The following IGSF11 variants were observed in gnomAD, a reference collection of about 807,000 sequenced individuals.
The protein encoded by IGSF11 is immunoglobulin superfamily member 11.
Under a neutral mutation model 41.0 loss-of-function variants are expected in IGSF11, and 22 were observed. The ratio of observed to expected loss-of-function variants is 0.54; its 90% CI spans 0.38 to 0.77. The LOEUF is 0.77. Ranked by LOEUF, IGSF11 falls within the 30% of genes least tolerant of loss-of-function variation. IGSF11 has a pLI of 0.00. For synonymous variants in IGSF11, 219 were observed against 201.3 expected, an observed-to-expected ratio of 1.09 and a Z score of -0.74; for missense variants, 444 against 530.8, an observed-to-expected ratio of 0.84 and a Z score of 1.61.
chr3:119,018,054 T>G (rs1291522492), intron 1 of IGSF11, among the ~76,000 whole-genome samples: 1 of 152,180 alleles, frequency 6.6e-6, no homozygotes, highest in Admixed American at 6.5e-5. Flanking sequence ...CGAGCACAAT[T>G]TCTTATTGAC....
chr3:118,975,700 A>G (rs1404788144), intron 1 of IGSF11, among the ~76,000 whole-genome samples: 1 of 152,234 alleles, frequency 6.6e-6, no homozygotes, highest in Admixed American at 6.5e-5. Context: ...AAAAAGAATG[A>G]TATCATGTCC....
At chr3:118,920,353 T>G (rs930264247) in intron 4 of IGSF11, among the ~76,000 whole-genome samples, 2 of 149,296 alleles carry the variant, frequency 1.3e-5, no homozygotes, top group East Asian at 3.9e-4. Flanking sequence ...AATAAATAAA[T>G]AAATAAATAA....
chr3:118,960,680 GTTGGTGTATA>G (rs770703478), intron 1 of IGSF11, among the ~76,000 whole-genome samples: 7 of 152,156 alleles, frequency 4.6e-5, no homozygotes, highest in Non-Finnish European at 8.8e-5. Flanking sequence ...GATGAAGACT[GTTGGTGTATA>G]TATACACCTA....
At chr3:119,015,386 A>T (rs1938573159) in intron 1 of IGSF11, among the ~76,000 whole-genome samples, 1 of 152,232 alleles carries the variant, frequency 6.6e-6, no homozygotes, top group Admixed American at 6.5e-5. Context: ...CCTCCAACCC[A>T]CTACAACCCT....
In IGSF11 at chr3:118,953,514, C is replaced by T. The variant is rs192085065; in HGVS notation, c.53-23239G>A. On this transcript the variant is annotated intron_variant, in intron 1 of 6. Transcript: ENST00000393775. Reference sequence around the variant, plus strand: ...TAGTGGTTGTACTAGTTTACATTCCCACCAGAGGTGTAAAATTGTTCCCTT... The same window carrying T: ...TAGTGGTTGTACTAGTTTACATTCCTACCAGAGGTGTAAAATTGTTCCCTT... Among the ~76,000 whole-genome samples, 623 of 152,316 alleles carry T rather than the reference C, an allele frequency of 4.1e-3. 3 individuals are homozygous for T. Among genetic ancestry groups the T allele is most frequent in the African/African-American group, 0.015 (604 of 41,564 alleles).
chr3:118,975,189 T>G (rs1173384416), intron 1 of IGSF11, among the ~76,000 whole-genome samples: 1 of 152,164 alleles, frequency 6.6e-6, no homozygotes, highest in Non-Finnish European at 1.5e-5. Flanking sequence ...GATTTTGCCT[T>G]GAACAAAAAA....
At chr3:119,085,488 C>G (rs1183774926) in intron 1 of IGSF11, among the ~76,000 whole-genome samples, 1 of 152,104 alleles carries the variant, frequency 6.6e-6, no homozygotes, top group Non-Finnish European at 1.5e-5. Flanking sequence ...CAGAGTGTCC[C>G]CTTACCTCCA....
chr3:119,035,693 A>G (rs1197629730), upstream of IGSF11, among the ~76,000 whole-genome samples: 1 of 152,170 alleles, frequency 6.6e-6, no homozygotes, highest in Non-Finnish European at 1.5e-5. Context: ...TTACTTAAAT[A>G]TCTACCTACA....
chr3:119,017,012 C>CAG (rs1216709250), intron 1 of IGSF11, among the ~76,000 whole-genome samples: 2 of 126,720 alleles, frequency 1.6e-5, no homozygotes, highest in African/African-American at 6.4e-5. Context: ...TGGGCTAAAG[C>CAG]ATGAGCAAAG....
chr3:119,018,557 T>C (rs1938975490), intron 1 of IGSF11, among the ~76,000 whole-genome samples: 1 of 152,246 alleles, frequency 6.6e-6, no homozygotes, highest in Admixed American at 6.5e-5. Context: ...TTACCTATTA[T>C]CTTACTTAAT....
chr3:119,115,602 A>AT (rs1210548275), intron 1 of IGSF11, among the ~76,000 whole-genome samples: 2 of 152,084 alleles, frequency 1.3e-5, no homozygotes, highest in Non-Finnish European at 2.9e-5. Flanking sequence ...GCATTATCAG[A>AT]TTTTTTCCTA....
At chr3:119,060,739 C>T (rs1942027442) in intron 1 of IGSF11, among the ~76,000 whole-genome samples, 1 of 152,150 alleles carries the variant, frequency 6.6e-6, no homozygotes, top group Non-Finnish European at 1.5e-5. Context: ...CCACTATATG[C>T]AGATACCTCC....
chr3:119,001,516 A>G (rs1201929678), intron 1 of IGSF11, among the ~76,000 whole-genome samples: 2 of 136,594 alleles, frequency 1.5e-5, no homozygotes, highest in Non-Finnish European at 3.1e-5. Flanking sequence ...ACATGTGCAC[A>G]TTGTGCAGGT....
At chr3:119,080,021 C>T (rs2076563229) in intron 1 of IGSF11, among the ~76,000 whole-genome samples, 2 of 152,086 alleles carry the variant, frequency 1.3e-5, no homozygotes, top group South Asian at 4.1e-4. Context: ...GCACATGTAC[C>T]ACCTTGAACC....
At chr3:118,914,474 C>T (rs966606808) in intron 4 of IGSF11, among the ~76,000 whole-genome samples, 1 of 151,300 alleles carries the variant, frequency 6.6e-6, no homozygotes, top group Non-Finnish European at 1.5e-5. Context: ...GTTCTCTTTC[C>T]GAGTCAAAGA....
At position 118,901,814 on chromosome 3, in the gene IGSF11, T is replaced by C. The variant is rs1377982484; in HGVS notation, c.*706A>G. 2 of 151,684 alleles carry C rather than the reference T, an allele frequency of 1.3e-5. No individual in the cohort carries two copies. The highest frequency in any genetic ancestry group is 4.8e-5 in the African/African-American group (2 of 41,294). The allele number at this position is 151,684 out of a possible 1,614,324, so 9.4% of individuals were successfully genotyped here. ...AGGAAAAAATAAACAGTAATTGCCA[T>C]GGACCTGTAACAGATCCTAGAATAA... is the stretch of plus-strand genomic sequence containing the variant. On this transcript the variant is annotated 3_prime_UTR_variant, in exon 7 of 7. Coordinates refer to ENST00000393775, the MANE Select transcript of IGSF11 (RefSeq NM_001015887.3).
rs554108794 is a variant in IGSF11 at position 118,960,040 on chromosome 3, G to A, written c.53-29765C>T. ...AGCCTGGGTGACACAGCGAGACTCC[G>A]TCTCAAAAAAAAAAAAAAAAGAAAT... On this transcript the variant is annotated intron_variant, in intron 1 of 6. Coordinates refer to ENST00000393775, the MANE Select transcript of IGSF11 (RefSeq NM_001015887.3). Among the ~76,000 whole-genome samples the A allele has an allele frequency of 3.8e-4, 52 of 135,856 alleles. 1 individual carries two copies. The highest frequency in any genetic ancestry group is 3.8e-3 in the Admixed American group (49 of 12,976). 89.1% of individuals were successfully genotyped at this position (135,856 alleles called of 152,430 possible). A position where few individuals can be genotyped will look rare whatever the true frequency, so the allele number is the denominator to read the frequency against.
upstream of IGSF11, chr3:119,034,967 G>C: frequency 2.1e-6 from 1 of 467,982 alleles, no homozygotes; most frequent in Non-Finnish European, 2.9e-6. Flanking sequence ...GGGCAACCGC[G>C]GCTCCAGCGC....
chr3:119,046,790 C>T (rs1429621390), intron 1 of IGSF11, among the ~76,000 whole-genome samples: 2 of 151,830 alleles, frequency 1.3e-5, no homozygotes, highest in East Asian at 1.9e-4. Context: ...AGACTAACAG[C>T]GGATCTCTCG....
Sources: gnomAD v4.1 joint callset for allele counts (sites outside exome capture counted in the v4.1 genomes callset) on GRCh38, gnomAD v4.1.1 for gene constraint, MANE v1.5 for transcripts, NCBI Gene and HGNC (gene_info 2026-07-23, HGNC 2026-07-21) for gene names.